TTBK2: variants seen among roughly 807,000 people sequenced by gnomAD.
TTBK2 encodes the protein tau-tubulin kinase 2.
A neutral mutation model predicts 110.8 loss-of-function variants in TTBK2; 28 were observed. The ratio of observed to expected loss-of-function variants is 0.25; its 90% CI spans 0.19 to 0.35. The LOEUF is 0.35. Ranked by LOEUF, TTBK2 falls within the 10% of genes least tolerant of loss-of-function variation. TTBK2 has a pLI of 1.00. For missense variants in TTBK2, 1,369 were observed against 1,500.3 expected (o/e 0.91, Z 1.45); for synonymous variants, 532 against 527.3 (o/e 1.01, Z -0.12).
chr15:42,872,275 A>G (rs1219142499), intron 3 of TTBK2, among the ~76,000 whole-genome samples: 1 of 152,220 alleles, frequency 6.6e-6, no homozygotes, highest in Non-Finnish European at 1.5e-5. Flanking sequence ...GAGACAACTC[A>G]GAGGTATCTG....
intron 3 of TTBK2, among the ~76,000 whole-genome samples, chr15:42,846,909 G>C (rs929450960): frequency 6.6e-5 from 10 of 152,078 alleles, no homozygotes; most frequent in South Asian, 2.1e-4. Context: ...GGAAGTGCTG[G>C]GGGGGTGGCC....
chr15:42,897,660 T>G (rs1235685557), intron 1 of TTBK2, among the ~76,000 whole-genome samples: 1 of 152,154 alleles, frequency 6.6e-6, no homozygotes, highest in Admixed American at 6.5e-5. Context: ...AAGTATTTAT[T>G]GAGAACATAA....
intron 1 of TTBK2, among the ~76,000 whole-genome samples, chr15:42,885,444 C>G (rs1200955438): frequency 6.6e-6 from 1 of 152,222 alleles, no homozygotes. Flanking sequence ...CCTTTCATTT[C>G]TGGTAGAGAC....
At chr15:42,801,489 AG>A in intron 9 of TTBK2, 1 of 777,766 alleles carries the variant, frequency 1.3e-6, no homozygotes, top group Non-Finnish European at 2.4e-6. Flanking sequence ...CGGTTCATCT[AG>A]GAGATCTCAG....
chr15:42,824,621 C>A (rs1425551771), intron 6 of TTBK2, among the ~76,000 whole-genome samples: 2 of 152,090 alleles, frequency 1.3e-5, no homozygotes, highest in Non-Finnish European at 2.9e-5. Flanking sequence ...ACATATTGAT[C>A]AGCCAACAGG....
intron 1 of TTBK2, among the ~76,000 whole-genome samples, chr15:42,881,208 G>C (rs982822400): frequency 6.7e-6 from 1 of 149,498 alleles, no homozygotes; most frequent in Non-Finnish European, 1.5e-5. Context: ...GCGTGAACCC[G>C]GGAGGCGGAG....
Position 42,794,817 on chromosome 15 carries a change from A to T in TTBK2, c.823-16T>A, listed in dbSNP as rs1402263413. The T allele has an allele frequency of 6.2e-7, 1 of 1,613,998 alleles. No homozygotes were observed. The highest frequency in any genetic ancestry group is 8.5e-7 in the Non-Finnish European group (1 of 1,179,948). ...ATGTAAGAAGCTAAACCACAAAGAA[A>T]AAAACTAGAGTAAGTGAACAGTAAA... is the stretch of plus-strand genomic sequence containing the variant. On this transcript the variant is annotated splice_polypyrimidine_tract_variant and intron_variant, in intron 9 of 14. Coordinates refer to ENST00000267890, the MANE Select transcript of TTBK2 (RefSeq NM_173500.4).
Position 42,880,923 on chromosome 15 carries a change from A to T in TTBK2, c.-67-2239T>A, listed in dbSNP as rs182099706. Among the ~76,000 whole-genome samples the T allele has an allele frequency of 1.3e-3, 198 of 147,968 alleles. 1 individual carries two copies. Among genetic ancestry groups the T allele is most frequent in the South Asian group, 0.013 (60 of 4,696 alleles). ...AAAAACCTATGGAACTAAAAAAATTAAAAAAAAAATAAAATAAACCATTGC... is the reference window on the plus strand; with the variant it reads ...AAAAACCTATGGAACTAAAAAAATTTAAAAAAAAATAAAATAAACCATTGC... On this transcript the variant is annotated intron_variant, in intron 1 of 14. Transcript: ENST00000267890.
chr15:42,851,173 G>C (rs183313074), intron 3 of TTBK2, among the ~76,000 whole-genome samples: 1 of 151,568 alleles, frequency 6.6e-6, no homozygotes, highest in Non-Finnish European at 1.5e-5. Flanking sequence ...GCATGAACCC[G>C]GGAGGCGGAG....
intron 13 of TTBK2, among the ~76,000 whole-genome samples, chr15:42,772,159 T>G (rs1034819719): frequency 6.6e-6 from 1 of 152,096 alleles, no homozygotes; most frequent in Non-Finnish European, 1.5e-5. Flanking sequence ...AGTGATGGTA[T>G]GTCCCTTCTG....
intron 3 of TTBK2, among the ~76,000 whole-genome samples, chr15:42,841,711 C>A (rs745363786): frequency 6.6e-6 from 1 of 151,600 alleles, no homozygotes; most frequent in African/African-American, 2.4e-5. Flanking sequence ...ACAATATCCA[C>A]GAGAAAGAAT....
At chr15:42,831,011 A>T (rs960573297) in intron 4 of TTBK2, among the ~76,000 whole-genome samples, 3 of 140,536 alleles carry the variant, frequency 2.1e-5, no homozygotes, top group African/African-American at 9.4e-5. Flanking sequence ...TCTCAAAAAA[A>T]AAATGTATAT....
chr15:42,880,028 A>T (rs1742447655), intron 1 of TTBK2, among the ~76,000 whole-genome samples: 1 of 151,894 alleles, frequency 6.6e-6, no homozygotes, highest in Admixed American at 6.6e-5. Flanking sequence ...AGAAAAGAAA[A>T]ACAGGATGGA....
At chr15:42,819,166 T>C (rs1892180243) in intron 6 of TTBK2, among the ~76,000 whole-genome samples, 1 of 151,514 alleles carries the variant, frequency 6.6e-6, no homozygotes, top group Non-Finnish European at 1.5e-5. Context: ...GAAAAGATAG[T>C]AAACGTTATT....
chr15:42,825,639 T>C (rs1425747576), intron 6 of TTBK2, among the ~76,000 whole-genome samples: 2 of 152,048 alleles, frequency 1.3e-5, no homozygotes, highest in Non-Finnish European at 2.9e-5. Flanking sequence ...CACTTGAACC[T>C]AGGAGGCGGA....
intron 13 of TTBK2, among the ~76,000 whole-genome samples, chr15:42,764,281 G>A (rs553855096): frequency 1.3e-5 from 2 of 152,328 alleles, no homozygotes; most frequent in Admixed American, 6.5e-5. Flanking sequence ...CCCATGGAGG[G>A]CAAGCTGAAG....
chr15:42,908,833 A>C (rs1415760217), intron 1 of TTBK2, among the ~76,000 whole-genome samples: 2 of 152,236 alleles, frequency 1.3e-5, no homozygotes, highest in African/African-American at 4.8e-5. Context: ...GTTCATAGTC[A>C]CATTGTCCAT....
intron 1 of TTBK2, among the ~76,000 whole-genome samples, chr15:42,884,598 T>C (rs1465790270): frequency 1.3e-5 from 2 of 152,202 alleles, no homozygotes; most frequent in Non-Finnish European, 1.5e-5. Context: ...GAACCAACCC[T>C]GTGATTAGAG....
At chr15:42,767,561 G>C (rs1172086593) in intron 13 of TTBK2, among the ~76,000 whole-genome samples, 2 of 152,134 alleles carry the variant, frequency 1.3e-5, no homozygotes, top group Non-Finnish European at 2.9e-5. Flanking sequence ...GACTAAACCA[G>C]GAAGAAGTTG....
Sources: gnomAD v4.1 joint callset for allele counts (sites outside exome capture counted in the v4.1 genomes callset) on GRCh38, gnomAD v4.1.1 for gene constraint, MANE v1.5 for transcripts, NCBI Gene and HGNC (gene_info 2026-07-23, HGNC 2026-07-21) for gene names.